The following GDPD5 variants were observed in gnomAD, a reference collection of about 807,000 sequenced individuals.
The protein encoded by GDPD5 is glycerophosphodiester phosphodiesterase domain containing 5.
In GDPD5, 48 loss-of-function variants were observed where a neutral mutation model predicts 75.1. That is an observed-to-expected ratio of 0.64 (90% CI 0.51 to 0.81). The LOEUF (loss-of-function observed/expected upper bound fraction) is 0.81, where lower values mean the gene tolerates loss of function less well. GDPD5 is among the 40% of genes least tolerant of loss of function. The pLI, the probability that GDPD5 is intolerant of heterozygous loss-of-function variation, is 0.00. For missense variants in GDPD5, 706 were observed against 822.6 expected, an observed-to-expected ratio of 0.86 and a Z score of 1.73; for synonymous variants, 336 against 339.0, an observed-to-expected ratio of 0.99 and a Z score of 0.10.
At chr11:75,474,835 G>T (rs1342666403) in intron 3 of GDPD5, among the ~76,000 whole-genome samples, 1 of 152,194 alleles carries the variant, frequency 6.6e-6, no homozygotes, top group African/African-American at 2.4e-5. Context: ...TGTCCCAAAT[G>T]CTCCTGGTCC....
chr11:75,468,229 T>G (rs1226767180), intron 3 of GDPD5, among the ~76,000 whole-genome samples: 1 of 152,114 alleles, frequency 6.6e-6, no homozygotes, highest in African/African-American at 2.4e-5. Flanking sequence ...TAACAGAACA[T>G]GGGGTCTGAA....
At chr11:75,456,524 C>T (rs1949289020) in intron 6 of GDPD5, 3 of 568,630 alleles carry the variant, frequency 5.3e-6, no homozygotes, top group Non-Finnish European at 9.5e-6. Context: ...TCCCCAACCA[C>T]AAAATGGAAT....
At chr11:75,516,433 C>T (rs1950641041) in intron 1 of GDPD5, among the ~76,000 whole-genome samples, 3 of 152,250 alleles carry the variant, frequency 2.0e-5, no homozygotes, top group African/African-American at 7.2e-5. Context: ...GGAGACCAAG[C>T]ACTGCCACTG....
intron 3 of GDPD5, among the ~76,000 whole-genome samples, chr11:75,473,528 C>T (rs1412578434): frequency 1.3e-5 from 2 of 152,256 alleles, no homozygotes; most frequent in South Asian, 4.1e-4. Flanking sequence ...CACATAGACA[C>T]CTGAGGCCTC....
At chr11:75,503,113 G>A (rs1347198114) in intron 1 of GDPD5, among the ~76,000 whole-genome samples, 2 of 152,182 alleles carry the variant, frequency 1.3e-5, no homozygotes, top group African/African-American at 2.4e-5. Flanking sequence ...TCTGCCTCCC[G>A]GGTTCAAGTG....
At chr11:75,483,888 C>T (rs1391038471) in intron 2 of GDPD5, among the ~76,000 whole-genome samples, 6 of 152,064 alleles carry the variant, frequency 3.9e-5, no homozygotes, top group Non-Finnish European at 4.4e-5. Flanking sequence ...TCTTTTTGGG[C>T]TGGTGAAAAT....
intron 1 of GDPD5, among the ~76,000 whole-genome samples, chr11:75,496,301 A>T (rs1303815054): frequency 6.6e-6 from 1 of 152,218 alleles, no homozygotes; most frequent in African/African-American, 2.4e-5. Flanking sequence ...GCAAATCTCC[A>T]CATTCCTTGC....
intron 6 of GDPD5, chr11:75,452,779 G>A (rs1949196098): frequency 6.6e-6 from 1 of 152,350 alleles, no homozygotes; most frequent in Non-Finnish European, 1.5e-5. Context: ...CTTGGTAGGA[G>A]GCAGAAGCCC....
At chr11:75,459,031 C>T (rs1157827563) in intron 4 of GDPD5, among the ~76,000 whole-genome samples, 1 of 152,168 alleles carries the variant, frequency 6.6e-6, no homozygotes, top group Admixed American at 6.5e-5. Context: ...ACCTCAGCCT[C>T]CCAAAGTGCT....
intron 2 of GDPD5, among the ~76,000 whole-genome samples, chr11:75,484,777 G>A (rs1445462249): frequency 6.6e-6 from 1 of 152,192 alleles, no homozygotes; most frequent in Non-Finnish European, 1.5e-5. Flanking sequence ...TGTACGGTGT[G>A]AGTACTACCA....
intron 15 of GDPD5, among the ~76,000 whole-genome samples, chr11:75,439,188 GGGGGTAA>G (rs1485993687): frequency 3.3e-5 from 5 of 152,198 alleles, no homozygotes; most frequent in Admixed American, 3.3e-4. Context: ...AGAGGATTGC[GGGGGTAA>G]GGGAGGCTTC....
intron 16 of GDPD5, among the ~76,000 whole-genome samples, chr11:75,436,532 G>A (rs568728405): frequency 7.7e-5 from 11 of 142,096 alleles, no homozygotes; most frequent in African/African-American, 2.1e-4. Context: ...GTTTATATAC[G>A]TAGCTGCTGC....
At chr11:75,483,533 A>T (rs967560933) in intron 2 of GDPD5, among the ~76,000 whole-genome samples, 3 of 151,942 alleles carry the variant, frequency 2.0e-5, no homozygotes, top group Non-Finnish European at 4.4e-5. Flanking sequence ...TCCTTTTCTG[A>T]TCATGAAGTG....
chr11:75,524,080 A>G (rs1267577913), intron 1 of GDPD5, among the ~76,000 whole-genome samples: 1 of 152,204 alleles, frequency 6.6e-6, no homozygotes, highest in Non-Finnish European at 1.5e-5. Context: ...GGGGCAGCAG[A>G]AGCATCCCCT....
intron 15 of GDPD5, 101 bp from the exon 16 acceptor site, chr11:75,437,149 C>A: frequency 1.3e-6 from 1 of 798,108 alleles, no homozygotes; most frequent in Non-Finnish European, 2.1e-6. Context: ...GCCCAAGAGA[C>A]CAGCAGGACT....
intron 2 of GDPD5, among the ~76,000 whole-genome samples, chr11:75,479,804 A>G (rs1372762175): frequency 6.6e-6 from 1 of 152,158 alleles, no homozygotes; most frequent in Admixed American, 6.5e-5. Flanking sequence ...GGAATCATAC[A>G]ATATGTGACC....
rs1948878190 is a variant in GDPD5, at chr11:75,443,181, G to A, written c.903C>T (p.Asn301=). The A allele has an allele frequency of 6.2e-7, 1 of 1,606,020 alleles. No individual in the cohort carries two copies. Among genetic ancestry groups the A allele is most frequent in the East Asian group, 2.2e-5 (1 of 44,618 alleles). ...CGTTGAGTCTCTGCAGGGTGGTCCA[G>A]TTAAGCATGGAGGCAGGCCTGCGGG... ...ELARRPASML[N]WTTLQRLNAG... Residue 301 remains asparagine, a synonymous_variant, in exon 11 of 17, where the codon AAC becomes AAT. Coordinates refer to ENST00000336898, the MANE Select transcript of GDPD5 (RefSeq NM_030792.8).
rs765212731 is a variant in GDPD5 at position 75,441,717 on chromosome 11, G to A, written c.1254C>T (p.Val418=). The change falls in exon 13 of 17, where the codon GTC becomes GTT. Residue 418 remains valine (V), a synonymous_variant. Transcript: ENST00000336898. ...GGATGTGGCCTCTCCGCAGGCTGGCGACTGCCTCCTTGGAGCCTGATGTCT... is the reference window on the plus strand; with the variant it reads ...GGATGTGGCCTCTCCGCAGGCTGGCAACTGCCTCCTTGGAGCCTGATGTCT... ...FQQTSGSKEA[V]ASLRRGHIQR... The A allele has an allele frequency of 1.4e-5, 23 of 1,611,226 alleles. No individual in the cohort carries two copies. The highest frequency in any genetic ancestry group is 8.9e-5 in the East Asian group (4 of 44,862).
At chr11:75,467,982 A>G (rs1949558852) in intron 3 of GDPD5, among the ~76,000 whole-genome samples, 1 of 152,136 alleles carries the variant, frequency 6.6e-6, no homozygotes, top group African/African-American at 2.4e-5. Context: ...AACATAGAGA[A>G]AGACCTCATT....
Sources: gnomAD v4.1 joint callset for allele counts (sites outside exome capture counted in the v4.1 genomes callset) on GRCh38, gnomAD v4.1.1 for gene constraint, MANE v1.5 for transcripts, NCBI Gene and HGNC (gene_info 2026-07-23, HGNC 2026-07-21) for gene names.